Variants in GUCY2C observed in about 807,000 individuals in gnomAD.
GUCY2C encodes the protein guanylate cyclase 2C.
GUCY2C carries 118 observed loss-of-function variants against 131.1 expected under a neutral mutation model. The ratio of observed to expected loss-of-function variants is 0.90; its 90% CI spans 0.78 to 1.05. GUCY2C has a LOEUF of 1.05. Among genes scored for constraint, GUCY2C ranks in the 50% least tolerant of loss-of-function variants. The pLI is 0.00. For missense variants in GUCY2C, 1,161 were observed against 1,304.4 expected (o/e 0.89, Z 1.69); for synonymous variants, 452 against 457.8 (o/e 0.99, Z 0.16).
chr12:14,667,710 T>A (rs1229429966), intron 10 of GUCY2C, among the ~76,000 whole-genome samples: 4 of 152,116 alleles, frequency 2.6e-5, no homozygotes, highest in Non-Finnish European at 4.4e-5. Context: ...AATAAGAAAC[T>A]AATACAGAGT....
intron 15 of GUCY2C, among the ~76,000 whole-genome samples, chr12:14,650,164 T>G (rs1947614716): frequency 6.6e-6 from 1 of 152,206 alleles, no homozygotes; most frequent in African/African-American, 2.4e-5. Flanking sequence ...TTAAAATGAT[T>G]GATATTTAAT....
intron 19 of GUCY2C, among the ~76,000 whole-genome samples, chr12:14,631,026 C>T (rs540568777): frequency 3.2e-4 from 48 of 152,094 alleles, no homozygotes; most frequent in African/African-American, 1.0e-3. Context: ...AGCTGTACTT[C>T]GGAAAGCTGT....
At chr12:14,620,469 T>A (rs1374645284) in intron 23 of GUCY2C, among the ~76,000 whole-genome samples, 1 of 152,198 alleles carries the variant, frequency 6.6e-6, no homozygotes, top group Non-Finnish European at 1.5e-5. Context: ...GATTTGAAAA[T>A]TATTCTTTGC....
In GUCY2C at chr12:14,614,647, A is replaced by G. The variant is rs76682259; in HGVS notation, c.3047+220T>C. On this transcript the variant is annotated intron_variant, in intron 26 of 26. Coordinates refer to ENST00000261170, the MANE Select transcript of GUCY2C (RefSeq NM_004963.4). Reference sequence around the variant, plus strand: ...CCAGACAGGGAAGCCAAGGCTAAATACTTTTCTGTTTCATTGAGGTCTCAG... The same window carrying G: ...CCAGACAGGGAAGCCAAGGCTAAATGCTTTTCTGTTTCATTGAGGTCTCAG... 619 of 485,656 alleles carry G rather than the reference A, an allele frequency of 1.3e-3. 5 individuals carry two copies. Among genetic ancestry groups the G allele is most frequent in the African/African-American group, 0.011 (546 of 48,492 alleles). 30.1% of individuals were successfully genotyped at this position (485,656 alleles called of 1,614,324 possible).
intron 19 of GUCY2C, among the ~76,000 whole-genome samples, chr12:14,636,546 A>T (rs1376470643): frequency 6.6e-6 from 1 of 152,198 alleles, no homozygotes; most frequent in Non-Finnish European, 1.5e-5. Context: ...CAGAATGAGG[A>T]AAAGCTGAAA....
intron 20 of GUCY2C, among the ~76,000 whole-genome samples, chr12:14,627,587 A>T (rs7139114): frequency 3.9e-4 from 60 of 152,150 alleles, no homozygotes; most frequent in Admixed American, 3.9e-3. Context: ...GACCAATTAC[A>T]TCAGCCTCTC....
intron 12 of GUCY2C, among the ~76,000 whole-genome samples, chr12:14,655,263 T>C (rs748837562): frequency 1.3e-5 from 2 of 152,244 alleles, no homozygotes; most frequent in African/African-American, 2.4e-5. Flanking sequence ...ACAAATTCTC[T>C]CTTTGGAAAT....
intron 18 of GUCY2C, 98 bp downstream of exon 18, chr12:14,640,984 G>A (rs1947389143): frequency 9.8e-7 from 1 of 1,022,482 alleles, no homozygotes; most frequent in Non-Finnish European, 1.5e-6. Flanking sequence ...GCATTTGAAG[G>A]AATTGTGATG....
chr12:14,651,225 T>G (rs1413626070), intron 15 of GUCY2C, among the ~76,000 whole-genome samples, 182 bp downstream of exon 15: 1 of 152,222 alleles, frequency 6.6e-6, no homozygotes, highest in African/African-American at 2.4e-5. Context: ...CTGAAATTTT[T>G]TTTGCTTGTT....
chr12:14,628,127 T>C (rs1947061712), intron 20 of GUCY2C, among the ~76,000 whole-genome samples: 1 of 152,160 alleles, frequency 6.6e-6, no homozygotes, highest in African/African-American at 2.4e-5. Flanking sequence ...TTCTGCAGTG[T>C]ATTAACTGAA....
chr12:14,663,315 T>C (rs972581117), intron 10 of GUCY2C, among the ~76,000 whole-genome samples: 1 of 152,244 alleles, frequency 6.6e-6, no homozygotes, highest in South Asian at 2.1e-4. Context: ...AGAGTTTTGC[T>C]CTTTTTGCCC....
intron 19 of GUCY2C, among the ~76,000 whole-genome samples, chr12:14,634,973 A>G (rs557924019): frequency 6.6e-5 from 10 of 152,342 alleles, no homozygotes; most frequent in African/African-American, 1.9e-4. Context: ...TAAAGCAAAT[A>G]CTATTAGATC....
At chr12:14,649,038 G>A (rs1947584823) in intron 15 of GUCY2C, among the ~76,000 whole-genome samples, 1 of 152,152 alleles carries the variant, frequency 6.6e-6, no homozygotes, top group Non-Finnish European at 1.5e-5. Context: ...AGAACAGGTT[G>A]CAAATACTAA....
chr12:14,677,023 A>C (rs751764779), intron 6 of GUCY2C, 52 bp from the exon 7 acceptor site: 4 of 582,056 alleles, frequency 6.9e-6, no homozygotes, highest in Non-Finnish European at 1.2e-5. Flanking sequence ...ATAGAGATGC[A>C]TCTTCTATAG....
intron 15 of GUCY2C, among the ~76,000 whole-genome samples, chr12:14,648,513 A>G (rs1439557385): frequency 6.6e-6 from 1 of 152,178 alleles, no homozygotes; most frequent in Non-Finnish European, 1.5e-5. Flanking sequence ...TCTGCCCAAC[A>G]ACTGCCTGTC....
intron 12 of GUCY2C, among the ~76,000 whole-genome samples, chr12:14,654,664 G>A (rs1947727981): frequency 6.6e-6 from 1 of 152,190 alleles, no homozygotes; most frequent in Admixed American, 6.5e-5. Context: ...GGTGACACAT[G>A]TTTTGGGCTT....
chr12:14,648,274 A>T (rs1239843259), intron 15 of GUCY2C, among the ~76,000 whole-genome samples: 2 of 2,198 alleles, frequency 9.1e-4, no homozygotes, highest in African/African-American at 9.6e-4. Context: ...CTTTAAATTA[A>T]AAAAAAAAAA....
At position 14,696,560 on chromosome 12, in the gene GUCY2C, ACT is replaced by A; in HGVS notation, c.-114_-113del. Reference sequence around the variant, plus strand: ...AGCCTCTAGTGGAGTCCCTCAGCCCACTCTTCCCCACGCTTCTCTCTGGTCAT... The same window carrying A: ...AGCCTCTAGTGGAGTCCCTCAGCCCACTTCCCCACGCTTCTCTCTGGTCAT... On this transcript the variant is annotated 5_prime_UTR_variant, in exon 1 of 27. An upstream open reading frame in the 5' UTR gains an earlier in-frame stop. Coordinates refer to ENST00000261170, the MANE Select transcript of GUCY2C (RefSeq NM_004963.4). 1.4e-6 allele frequency: 1 copy of A among 725,036 alleles called. No individual in the cohort carries two copies. The highest frequency in any genetic ancestry group is 2.7e-5 in the East Asian group (1 of 36,956). 44.9% of individuals were successfully genotyped at this position (725,036 alleles called of 1,614,324 possible). A position where few individuals can be genotyped will look rare whatever the true frequency, so the allele number is the denominator to read the frequency against.
At chr12:14,655,982 A>C (rs1947754504) in intron 12 of GUCY2C, among the ~76,000 whole-genome samples, 1 of 152,174 alleles carries the variant, frequency 6.6e-6, no homozygotes. Context: ...AAATTATGAT[A>C]ATAAAGCTTA....
Sources: gnomAD v4.1 joint callset for allele counts (sites outside exome capture counted in the v4.1 genomes callset) on GRCh38, gnomAD v4.1.1 for gene constraint, MANE v1.5 for transcripts, NCBI Gene and HGNC (gene_info 2026-07-23, HGNC 2026-07-21) for gene names.